CAMKMT: variants seen among roughly 807,000 people sequenced by gnomAD.
CAMKMT encodes CaM KMT.
Under a neutral mutation model 48.0 loss-of-function variants are expected in CAMKMT, and 53 were observed. That is an observed-to-expected ratio of 1.10 (90% CI 0.89 to 1.39). The LOEUF (loss-of-function observed/expected upper bound fraction) is 1.39, where lower values mean the gene tolerates loss of function less well. Ranked by LOEUF, CAMKMT falls within the 40% of genes most tolerant of loss-of-function variation. The pLI, the probability that CAMKMT is intolerant of heterozygous loss-of-function variation, is 0.00. For missense variants in CAMKMT, 428 were observed against 402.7 expected, an observed-to-expected ratio of 1.06 and a Z score of -0.54; for synonymous variants, 165 against 152.3, an observed-to-expected ratio of 1.08 and a Z score of -0.61.
intron 3 of CAMKMT, among the ~76,000 whole-genome samples, chr2:44,696,537 G>T (rs1440467658): frequency 6.6e-6 from 1 of 152,136 alleles, no homozygotes; most frequent in Non-Finnish European, 1.5e-5. Context: ...AAAACTGGAG[G>T]TTTATTCTTT....
intron 1 of CAMKMT, among the ~76,000 whole-genome samples, chr2:44,367,517 A>G (rs1678728338): frequency 6.6e-6 from 1 of 152,230 alleles, no homozygotes; most frequent in African/African-American, 2.4e-5. Context: ...GTCCCATCCC[A>G]AGCCTTCTCT....
At chr2:44,501,117 A>G (rs1225826055) in intron 3 of CAMKMT, among the ~76,000 whole-genome samples, 1 of 151,044 alleles carries the variant, frequency 6.6e-6, no homozygotes, top group African/African-American at 2.4e-5. Flanking sequence ...TTTGCATAAT[A>G]TATATTTATA....
intron 3 of CAMKMT, among the ~76,000 whole-genome samples, chr2:44,699,747 T>C (rs1261836399): frequency 6.6e-6 from 1 of 152,156 alleles, no homozygotes; most frequent in African/African-American, 2.4e-5. Flanking sequence ...AGTAGCCCGA[T>C]AGGCACCTGC....
intron 3 of CAMKMT, among the ~76,000 whole-genome samples, chr2:44,481,643 A>G (rs1668969434): frequency 6.6e-6 from 1 of 152,092 alleles, no homozygotes; most frequent in South Asian, 2.1e-4. Flanking sequence ...AAAATGATAT[A>G]TGTCCTTCAG....
Position 44,361,958 on chromosome 2 carries a change from G to A in CAMKMT, c.-50G>A. 2 of 1,362,340 alleles carry A rather than the reference G, an allele frequency of 1.5e-6. No individual in the cohort carries two copies. Among genetic ancestry groups the A allele is most frequent in the Non-Finnish European group, 1.9e-6 (2 of 1,062,912 alleles). 84.4% of individuals were successfully genotyped at this position (1,362,340 alleles called of 1,614,324 possible). On this transcript the variant is annotated 5_prime_UTR_variant, in exon 1 of 11. Coordinates refer to ENST00000378494, the MANE Select transcript of CAMKMT (RefSeq NM_024766.5). ...GGGAAGAAGTTGGCAGGTCCTGGCA[G>A]GGGACGAGCTGCGGCGGTGGCACCT...
At chr2:44,489,337 C>G in intron 3 of CAMKMT, among the ~76,000 whole-genome samples, 1 of 150,818 alleles carries the variant, frequency 6.6e-6, no homozygotes, top group South Asian at 2.1e-4. Flanking sequence ...TCTCTGCCTC[C>G]CAGGTTCAAG....
chr2:44,692,824 T>A (rs1426114300), intron 3 of CAMKMT, among the ~76,000 whole-genome samples: 1 of 152,212 alleles, frequency 6.6e-6, no homozygotes, highest in African/African-American at 2.4e-5. Flanking sequence ...AATTACTTTC[T>A]AATATCTTAC....
intron 3 of CAMKMT, among the ~76,000 whole-genome samples, chr2:44,574,767 G>A (rs1669116107): frequency 6.6e-6 from 1 of 152,020 alleles, no homozygotes; most frequent in African/African-American, 2.4e-5. Context: ...TTGAGATGGA[G>A]TCTAGCTCTG....
At chr2:44,518,824 G>C (rs1191807344) in intron 3 of CAMKMT, among the ~76,000 whole-genome samples, 1 of 152,204 alleles carries the variant, frequency 6.6e-6, no homozygotes, top group African/African-American at 2.4e-5. Context: ...TGACACATGT[G>C]AGTGGGAAGA....
intron 10 of CAMKMT, among the ~76,000 whole-genome samples, chr2:44,767,157 T>G (rs1486563671): frequency 1.3e-5 from 2 of 152,238 alleles, no homozygotes; most frequent in Non-Finnish European, 2.9e-5. Flanking sequence ...TTTTTATTAT[T>G]TATAGGTATA....
At chr2:44,740,322 G>T (rs963599262) in intron 7 of CAMKMT, among the ~76,000 whole-genome samples, 1 of 151,866 alleles carries the variant, frequency 6.6e-6, no homozygotes, top group Non-Finnish European at 1.5e-5. Context: ...CAGCGAGGGG[G>T]TATCGCCATG....
intron 3 of CAMKMT, among the ~76,000 whole-genome samples, chr2:44,428,627 A>C (rs902822475): frequency 1.3e-5 from 2 of 152,186 alleles, no homozygotes; most frequent in Non-Finnish European, 2.9e-5. Flanking sequence ...CTTTTAGTTA[A>C]CATAGTCCAA....
At chr2:44,646,322 GT>G (rs1237801748) in intron 3 of CAMKMT, among the ~76,000 whole-genome samples, 9 of 146,492 alleles carry the variant, frequency 6.1e-5, no homozygotes, top group Admixed American at 1.4e-4. Context: ...TTTGTTTTTT[GT>G]TTTTTTTTTC....
At chr2:44,755,264 G>A (rs1214533774) in intron 9 of CAMKMT, among the ~76,000 whole-genome samples, 1 of 152,150 alleles carries the variant, frequency 6.6e-6, no homozygotes, top group African/African-American at 2.4e-5. Flanking sequence ...ATGGGCACCA[G>A]ATCTTGAGGC....
At chr2:44,469,551 ATCT>A (rs1232083889) in intron 3 of CAMKMT, among the ~76,000 whole-genome samples, 13 of 152,116 alleles carry the variant, frequency 8.5e-5, no homozygotes, top group East Asian at 1.9e-4. Flanking sequence ...TGTATGTTAA[ATCT>A]TCTTCTTTGT....
chr2:44,548,886 T>C (rs1667549191), intron 3 of CAMKMT, among the ~76,000 whole-genome samples: 1 of 152,196 alleles, frequency 6.6e-6, no homozygotes, highest in Non-Finnish European at 1.5e-5. Context: ...GTTGCCACTG[T>C]TATTTCAGCC....
intron 3 of CAMKMT, among the ~76,000 whole-genome samples, chr2:44,575,884 T>A (rs144074129): frequency 6.6e-6 from 1 of 152,074 alleles, no homozygotes; most frequent in Non-Finnish European, 1.5e-5. Flanking sequence ...TGTTAAGTGC[T>A]TGTAAAGTAT....
At chr2:44,560,552 G>A (rs570511268) in intron 3 of CAMKMT, among the ~76,000 whole-genome samples, 19 of 152,294 alleles carry the variant, frequency 1.2e-4, no homozygotes, top group South Asian at 1.2e-3. Flanking sequence ...GATTATAGGC[G>A]TGAGCCACGG....
chr2:44,766,602 T>C, intron 10 of CAMKMT, 41 bp downstream of exon 10: 1 of 1,607,388 alleles, frequency 6.2e-7, no homozygotes, highest in Non-Finnish European at 8.5e-7. Flanking sequence ...TTAATCCGCA[T>C]TGCATTTTGA....
Sources: allele counts gnomAD v4.1 joint callset (sites outside exome capture counted in the v4.1 genomes callset), GRCh38; gene constraint gnomAD v4.1.1; transcripts MANE v1.5; gene names NCBI Gene and HGNC (gene_info 2026-07-23, HGNC 2026-07-21).